SYNPR: variants seen among roughly 807,000 people sequenced by gnomAD.
SYNPR encodes the protein synaptoporin.
Under a neutral mutation model 32.9 loss-of-function variants are expected in SYNPR, and 23 were observed. That is an observed-to-expected ratio of 0.70 (90% CI 0.50 to 0.99). The LOEUF is 0.99. SYNPR is among the 50% of genes least tolerant of loss of function. The pLI is 0.00. For synonymous variants in SYNPR, 146 were observed against 135.9 expected (o/e 1.07, Z -0.52); for missense variants, 318 against 349.3 (o/e 0.91, Z 0.71).
chr3:63,271,298 T>G (rs2086534265), intron 3 of SYNPR, among the ~76,000 whole-genome samples: 1 of 152,126 alleles, frequency 6.6e-6, no homozygotes, highest in Non-Finnish European at 1.5e-5. Context: ...CAGGCAGAGA[T>G]TATAACCATG....
At chr3:63,255,586 A>C (rs2086375086) in intron 2 of SYNPR, among the ~76,000 whole-genome samples, 1 of 152,214 alleles carries the variant, frequency 6.6e-6, no homozygotes, top group African/African-American at 2.4e-5. Context: ...CATCAGTGGC[A>C]GAGGTGAGAT....
chr3:63,331,855 T>C (rs139234419), intron 2 of SYNPR, among the ~76,000 whole-genome samples: 2 of 152,166 alleles, frequency 1.3e-5, no homozygotes, highest in African/African-American at 4.8e-5. Flanking sequence ...TGAGTTTTAA[T>C]GTGCCAGGCT....
chr3:63,615,462 C>T lies in SYNPR; in HGVS notation c.839C>T (p.Ser280Phe), dbSNP rs541892532. The T allele has an allele frequency of 2.7e-4, 437 of 1,613,976 alleles. 7 individuals are homozygous for T. The South Asian group carries it at 4.7e-3, about 18-fold the overall frequency. The change falls in exon 6 of 6, where the codon TCC becomes TTC. Residue 280 changes from serine to phenylalanine, a missense_variant. Ser to Phe is a radical substitution (Grantham distance 155, BLOSUM62 -2). Transcript: ENST00000478300. ...EFGQQPTGPT[S>F]FTNQI ...GGCCAACAGCCTACTGGCCCCACTT[C>T]CTTTACCAATCAGATTTAACAGAGT...
intron 3 of SYNPR, among the ~76,000 whole-genome samples, chr3:63,517,764 T>C (rs1275643565): frequency 6.6e-6 from 1 of 152,176 alleles, no homozygotes; most frequent in Non-Finnish European, 1.5e-5. Context: ...TTTATCTGAA[T>C]GAGGTCAGAA....
At chr3:63,373,096 T>C (rs1032312098) in intron 2 of SYNPR, among the ~76,000 whole-genome samples, 1 of 151,726 alleles carries the variant, frequency 6.6e-6, no homozygotes, top group Non-Finnish European at 1.5e-5. Context: ...AATTACACCA[T>C]AGTTAAAGGA....
At chr3:63,414,019 T>TAG (rs1222278924) in intron 2 of SYNPR, among the ~76,000 whole-genome samples, 27 of 150,078 alleles carry the variant, frequency 1.8e-4, no homozygotes, top group East Asian at 1.6e-3. Flanking sequence ...CATATATATA[T>TAG]ATATAGAGAG....
intron 2 of SYNPR, among the ~76,000 whole-genome samples, chr3:63,327,127 A>G (rs2087176098): frequency 6.6e-6 from 1 of 152,144 alleles, no homozygotes; most frequent in Non-Finnish European, 1.5e-5. Flanking sequence ...TGGGAGGGGA[A>G]ATAGTTATTG....
chr3:63,592,620 T>C (rs564035285), intron 4 of SYNPR, among the ~76,000 whole-genome samples: 1 of 152,168 alleles, frequency 6.6e-6, no homozygotes, highest in South Asian at 2.1e-4. Context: ...TAAGGAATTA[T>C]TAGGATGTTT....
chr3:63,202,150 T>G, the SYNPR span, among the ~76,000 whole-genome samples: 4 of 152,296 alleles, frequency 2.6e-5, no homozygotes, highest in Non-Finnish European at 4.4e-5. Flanking sequence ...TTTTGGCCCG[T>G]TCTCTTTGGC....
intron 2 of SYNPR, among the ~76,000 whole-genome samples, chr3:63,344,404 G>A (rs542692943): frequency 6.6e-6 from 1 of 152,164 alleles, no homozygotes; most frequent in East Asian, 1.9e-4. Flanking sequence ...TAATATAAAG[G>A]TCCAGGAACA....
chr3:63,567,191 A>T (rs543561668), intron 4 of SYNPR, among the ~76,000 whole-genome samples: 3 of 151,838 alleles, frequency 2.0e-5, no homozygotes, highest in Admixed American at 2.0e-4. Context: ...TCCCACTACC[A>T]CTCTGGCACT....
chr3:63,372,628 G>A (rs976027925), intron 2 of SYNPR, among the ~76,000 whole-genome samples: 9 of 152,146 alleles, frequency 5.9e-5, no homozygotes, highest in African/African-American at 2.2e-4. Context: ...TGATCACACT[G>A]ATTAATAGCA....
intron 2 of SYNPR, among the ~76,000 whole-genome samples, chr3:63,477,907 A>G (rs951615338): frequency 6.6e-6 from 1 of 152,212 alleles, no homozygotes; most frequent in African/African-American, 2.4e-5. Flanking sequence ...CAAATAGGGT[A>G]TATAACTAGT....
chr3:63,393,385 T>C (rs114980046), intron 2 of SYNPR, among the ~76,000 whole-genome samples: 90 of 152,288 alleles, frequency 5.9e-4, no homozygotes, highest in African/African-American at 2.0e-3. Context: ...ATTTTGTATG[T>C]ATTCTTTTCA....
chr3:63,427,146 T>TTA (rs1699907004), intron 2 of SYNPR, among the ~76,000 whole-genome samples: 1 of 140,340 alleles, frequency 7.1e-6, no homozygotes, highest in African/African-American at 2.6e-5. Context: ...TCTTTATCTT[T>TTA]AAAAAAAAAA....
At chr3:63,271,506 G>C (rs918163746) in intron 3 of SYNPR, among the ~76,000 whole-genome samples, 3 of 152,096 alleles carry the variant, frequency 2.0e-5, no homozygotes, top group Non-Finnish European at 4.4e-5. Flanking sequence ...AAAGACTGGA[G>C]AATATAATAA....
At chr3:63,335,524 C>A (rs533965779) in intron 2 of SYNPR, among the ~76,000 whole-genome samples, 15 of 152,182 alleles carry the variant, frequency 9.9e-5, no homozygotes, top group African/African-American at 3.4e-4. Context: ...ACCAAATTAA[C>A]GCACATTAAA....
At chr3:63,221,629 C>A in the SYNPR span, among the ~76,000 whole-genome samples, 1 of 152,100 alleles carries the variant, frequency 6.6e-6, no homozygotes. Context: ...GCAGACCTGG[C>A]TGAGAGGAAG....
chr3:63,208,522 G>A, the SYNPR span, among the ~76,000 whole-genome samples: 20 of 152,162 alleles, frequency 1.3e-4, no homozygotes, highest in African/African-American at 3.6e-4. Context: ...AAACAAAGCC[G>A]TGTCTGGCAT....
Sources: allele counts gnomAD v4.1 joint callset (sites outside exome capture counted in the v4.1 genomes callset), GRCh38; gene constraint gnomAD v4.1.1; transcripts MANE v1.5; gene names NCBI Gene and HGNC (gene_info 2026-07-23, HGNC 2026-07-21).